HTR1F: variants seen among roughly 807,000 people sequenced by gnomAD.
HTR1F encodes the protein 5-hydroxytryptamine (serotonin) receptor 1F, G protein-coupled.
HTR1F carries 17 observed loss-of-function variants against 24.0 expected under a neutral mutation model. That is an observed-to-expected ratio of 0.71 (90% CI 0.48 to 1.06). HTR1F has a LOEUF of 1.06. Ranked by LOEUF, HTR1F falls within the 50% of genes least tolerant of loss-of-function variation. The probability of loss-of-function intolerance (pLI) is 0.00; values close to 1 mark genes in which losing one functional copy is unlikely to be tolerated. For synonymous variants in HTR1F, 186 were observed against 156.8 expected, an observed-to-expected ratio of 1.19 and a Z score of -1.39; for missense variants, 391 against 427.8, an observed-to-expected ratio of 0.91 and a Z score of 0.76.
intron 2 of HTR1F, among the ~76,000 whole-genome samples, chr3:87,915,090 A>G (rs1175834359): frequency 6.6e-6 from 1 of 152,158 alleles, no homozygotes; most frequent in Non-Finnish European, 1.5e-5. Context: ...GGTTAGATCC[A>G]GAAGAGAGAC....
chr3:87,934,020 G>A (rs1243026573), intron 2 of HTR1F, among the ~76,000 whole-genome samples: 1 of 152,156 alleles, frequency 6.6e-6, no homozygotes, highest in Non-Finnish European at 1.5e-5. Flanking sequence ...TGGGAAAACT[G>A]TTCCTGCTGT....
intron 2 of HTR1F, among the ~76,000 whole-genome samples, chr3:87,889,837 T>C (rs1844434): frequency 0.18 from 27,548 of 152,168 alleles, 4,109 homozygotes; most frequent in African/African-American, 0.41. Context: ...ATAATTTAAC[T>C]GTCATTTAGA....
chr3:87,981,593 A>G (rs1319098799), intron 2 of HTR1F, among the ~76,000 whole-genome samples: 1 of 152,102 alleles, frequency 6.6e-6, no homozygotes, highest in African/African-American at 2.4e-5. Flanking sequence ...TCACAACTCC[A>G]CTTCTGCCAT....
intron 2 of HTR1F, among the ~76,000 whole-genome samples, chr3:87,858,182 C>A (rs1705240225): frequency 6.6e-6 from 1 of 152,080 alleles, no homozygotes; most frequent in Non-Finnish European, 1.5e-5. Context: ...GATAAATACT[C>A]CCAATCTGTT....
chr3:87,908,853 A>G lies in HTR1F; in HGVS notation c.-42-81855A>G, dbSNP rs564525825. Among the ~76,000 whole-genome samples, 3 of 152,226 alleles carry G rather than the reference A, an allele frequency of 2.0e-5. No homozygotes were observed. The South Asian group carries it at 6.2e-4, about 31-fold the overall frequency. On this transcript the variant is annotated intron_variant, in intron 2 of 2. Coordinates refer to ENST00000319595, the MANE Select transcript of HTR1F (RefSeq NM_001322209.2). ...CTGAAGAGAGATTAGGCTTGTAGAAATTCTCATCTGGCAATGGTTTATTTT... is the reference window on the plus strand; with the variant it reads ...CTGAAGAGAGATTAGGCTTGTAGAAGTTCTCATCTGGCAATGGTTTATTTT...
At chr3:87,952,742 A>G (rs1704861807) in intron 2 of HTR1F, among the ~76,000 whole-genome samples, 1 of 151,962 alleles carries the variant, frequency 6.6e-6, no homozygotes, top group African/African-American at 2.4e-5. Context: ...TTTATAATCA[A>G]TATAATGCAA....
chr3:87,853,059 T>A (rs1705123225), intron 2 of HTR1F, among the ~76,000 whole-genome samples: 1 of 151,628 alleles, frequency 6.6e-6, no homozygotes, highest in Non-Finnish European at 1.5e-5. Context: ...TTATAATATG[T>A]GCTTAGACTT....
chr3:87,828,333 G>C (rs1289214805), intron 2 of HTR1F, among the ~76,000 whole-genome samples: 1 of 152,164 alleles, frequency 6.6e-6, no homozygotes, highest in African/African-American at 2.4e-5. Context: ...TTAGGCTTAT[G>C]TTTTTAGCCT....
chr3:87,942,130 G>C (rs984409517), intron 2 of HTR1F, among the ~76,000 whole-genome samples: 1 of 152,084 alleles, frequency 6.6e-6, no homozygotes, highest in Non-Finnish European at 1.5e-5. Flanking sequence ...GACAACAAAT[G>C]GGTGTTCCTT....
In HTR1F at chr3:87,844,886, A is replaced by G. The variant is rs868450978; in HGVS notation, c.-43+22762A>G. Among the ~76,000 whole-genome samples the G allele has an allele frequency of 2.0e-5, 3 of 151,658 alleles. No homozygotes were observed. The East Asian group carries it at 5.8e-4, about 29-fold the overall frequency. On this transcript the variant is annotated intron_variant, in intron 2 of 2. Transcript: ENST00000319595. ...GGGCTCTGTTCTGTTCCATTGATCT[A>G]TATCTCTGTTTTGGTACCAGTACCT... is the stretch of plus-strand genomic sequence containing the variant.
In HTR1F at chr3:87,991,574, G is replaced by A. The variant is rs774770360; in HGVS notation, c.825G>A (p.Glu275=). The A allele has an allele frequency of 1.5e-5, 24 of 1,613,974 alleles. No homozygotes were observed. Among genetic ancestry groups the A allele is most frequent in the Middle Eastern group, 1.6e-4 (1 of 6,084 alleles). Residue 275 remains glutamate, a synonymous_variant, in exon 3 of 3, where the codon GAG becomes GAA. Transcript: ENST00000319595. ...VRSLRSEFKH[E]KSWRRQKISG... ...GTCTCAGGTCTGAATTCAAGCATGA[G>A]AAATCTTGGAGAAGGCAAAAGATCT...
intron 1 of HTR1F, among the ~76,000 whole-genome samples, chr3:87,802,494 C>T: frequency 6.6e-6 from 1 of 151,772 alleles, no homozygotes; most frequent in East Asian, 2.0e-4. Context: ...CAGGCCTGCA[C>T]CACCACGCCA....
chr3:87,832,273 A>G (rs978293701), intron 2 of HTR1F, among the ~76,000 whole-genome samples: 1 of 151,816 alleles, frequency 6.6e-6, no homozygotes, highest in Non-Finnish European at 1.5e-5. Flanking sequence ...GTAATGTATA[A>G]TATGTATTAT....
chr3:87,871,688 A>G (rs1460465697), intron 2 of HTR1F, among the ~76,000 whole-genome samples: 1 of 152,130 alleles, frequency 6.6e-6, no homozygotes, highest in East Asian at 1.9e-4. Context: ...ATGACATATA[A>G]TGGAGCTCCC....
chr3:87,900,329 G>A (rs1196302571), intron 2 of HTR1F, among the ~76,000 whole-genome samples: 1 of 152,224 alleles, frequency 6.6e-6, no homozygotes, highest in Non-Finnish European at 1.5e-5. Flanking sequence ...AGTGCACTCT[G>A]TCTCTGTTCA....
chr3:87,987,851 A>G (rs1705708420), intron 2 of HTR1F, among the ~76,000 whole-genome samples: 1 of 146,108 alleles, frequency 6.8e-6, no homozygotes, highest in Admixed American at 7.0e-5. Context: ...TTATATGTAT[A>G]TATGTATTTT....
intron 2 of HTR1F, among the ~76,000 whole-genome samples, chr3:87,859,293 A>T (rs952197361): frequency 3.9e-5 from 6 of 152,244 alleles, no homozygotes; most frequent in Admixed American, 3.3e-4. Flanking sequence ...CTCAAGTAAC[A>T]GTCACTCAGT....
intron 2 of HTR1F, among the ~76,000 whole-genome samples, chr3:87,901,416 G>A (rs748811617): frequency 8.5e-5 from 13 of 152,080 alleles, no homozygotes; most frequent in Non-Finnish European, 1.3e-4. Flanking sequence ...TGCAAGCCAA[G>A]GAGAGAGCTC....
chr3:87,983,219 G>T (rs140816860), intron 2 of HTR1F, among the ~76,000 whole-genome samples: 1 of 152,240 alleles, frequency 6.6e-6, no homozygotes, highest in Non-Finnish European at 1.5e-5. Flanking sequence ...ACAAATCTGA[G>T]AAGTGTATGT....
Sources: allele counts gnomAD v4.1 joint callset (sites outside exome capture counted in the v4.1 genomes callset), GRCh38; gene constraint gnomAD v4.1.1; transcripts MANE v1.5; gene names NCBI Gene and HGNC (gene_info 2026-07-23, HGNC 2026-07-21).